The following CACNA1S variants were observed in gnomAD, a reference collection of about 807,000 sequenced individuals.
CACNA1S encodes the protein voltage-dependent L-type calcium channel subunit alpha-1S.
A neutral mutation model predicts 207.4 loss-of-function variants in CACNA1S; 126 were observed. The ratio of observed to expected loss-of-function variants is 0.61; its 90% CI spans 0.53 to 0.70. The LOEUF (loss-of-function observed/expected upper bound fraction) is 0.70, where lower values mean the gene tolerates loss of function less well. CACNA1S is among the 30% of genes least tolerant of loss of function. The pLI, the probability that CACNA1S is intolerant of heterozygous loss-of-function variation, is 0.00. For missense variants in CACNA1S, 2,349 were observed against 2,422.8 expected, an observed-to-expected ratio of 0.97 and a Z score of 0.64; for synonymous variants, 960 against 932.7, an observed-to-expected ratio of 1.03 and a Z score of -0.53.
chr1:201,079,971 G>A (rs1661785703), intron 10 of CACNA1S, among the ~76,000 whole-genome samples: 1 of 152,162 alleles, frequency 6.6e-6, no homozygotes, highest in South Asian at 2.1e-4. Flanking sequence ...TCCTTTGTGA[G>A]AATTCCCCTA....
intron 13 of CACNA1S, 52 bp downstream of exon 13, chr1:201,075,443 T>TCCC: frequency 1.3e-6 from 2 of 1,597,922 alleles, no homozygotes; most frequent in Middle Eastern, 1.9e-4. Flanking sequence ...TTAAGCCCTT[T>TCCC]CCCCCACCCC....
chr1:201,048,102 T>C (rs1011739658), intron 36 of CACNA1S, among the ~76,000 whole-genome samples: 2 of 152,242 alleles, frequency 1.3e-5, no homozygotes, highest in Non-Finnish European at 2.9e-5. Context: ...AGACTTGAGC[T>C]TGATACAGTG....
chr1:201,095,836 A>G (rs1249428893), intron 2 of CACNA1S, among the ~76,000 whole-genome samples: 1 of 152,194 alleles, frequency 6.6e-6, no homozygotes, highest in Non-Finnish European at 1.5e-5. Context: ...CCTCCCTGGC[A>G]AGAGGAGCGG....
chr1:201,066,821 A>C lies in CACNA1S; in HGVS notation c.2657+66T>G, dbSNP rs2102583403. ...GCCCACCAACATGGGTGGGACTCCCACTACAAAGCCCTGGCACAGAGCAGA... is the reference window on the plus strand; with the variant it reads ...GCCCACCAACATGGGTGGGACTCCCCCTACAAAGCCCTGGCACAGAGCAGA... On this transcript the variant is annotated intron_variant, in intron 20 of 43. Coordinates refer to ENST00000362061, the MANE Select transcript of CACNA1S (RefSeq NM_000069.3). This position sits in a 1 kb window ranked among gnomAD's most constrained non-coding sequence, Gnocchi z 4.3. 2 of 1,236,418 alleles carry C rather than the reference A, an allele frequency of 1.6e-6. No individual in the cohort carries two copies. Among genetic ancestry groups the C allele is most frequent in the Non-Finnish European group, 2.3e-6 (2 of 852,576 alleles). The allele number at this position is 1,236,418 out of a possible 1,614,324, so 76.6% of individuals were successfully genotyped here.
chr1:201,074,769 G>A (rs1558070438), intron 13 of CACNA1S, 149 bp from the exon 14 acceptor site: 1 of 707,642 alleles, frequency 1.4e-6, no homozygotes. Context: ...ATAGTGGAAG[G>A]CCCTCAGGGA....
At position 201,069,581 on chromosome 1, in the gene CACNA1S, C is replaced by A. The variant is rs760674518; in HGVS notation, c.2381G>T (p.Arg794Leu). ...GGTAAACCAGGTGGCATTGACGATG[C>A]GGTGACACAGGACACGGATCCTGGT... ...PTNKIRVLCH[R>L]IVNATWFTNF... is the part of the protein sequence containing the mutation. The change falls in exon 18 of 44, where the codon CGC (arginine) becomes CTC (leucine). Residue 794 changes from arginine to leucine, a missense_variant. Coordinates refer to ENST00000362061, the MANE Select transcript of CACNA1S (RefSeq NM_000069.3). 1 of 1,559,166 alleles carries A rather than the reference C, an allele frequency of 6.4e-7. No homozygotes were observed. The highest frequency in any genetic ancestry group is 1.4e-5 in the African/African-American group (1 of 73,910).
intron 2 of CACNA1S, among the ~76,000 whole-genome samples, chr1:201,096,417 G>A (rs531285644): frequency 6.6e-6 from 1 of 152,182 alleles, no homozygotes; most frequent in Non-Finnish European, 1.5e-5. Flanking sequence ...CTGCAGCCTG[G>A]GCTCAGTCTT....
rs770595820 is a variant in CACNA1S at position 201,074,565 on chromosome 1, C to G, written c.2004G>C (p.Glu668Asp). Residue 668 changes from glutamate to aspartate, a missense_variant, in exon 14 of 44, where the codon GAG (glutamate) becomes GAC (aspartate). Glu to Asp is a conservative substitution (Grantham distance 45). Transcript: ENST00000362061. ...TGGCCTTCTGGGCAGAAGTCAGGCT[C>G]TCCGCCTCGGCCAGGTTGTCCACGG... ...AIAVDNLAEAESLTSAQKAKA... is the reference protein window; with the variant it reads ...AIAVDNLAEADSLTSAQKAKA... 3 of 1,614,138 alleles carry G rather than the reference C, an allele frequency of 1.9e-6. No homozygotes were observed. Among genetic ancestry groups the G allele is most frequent in the Non-Finnish European group, 2.5e-6 (3 of 1,179,998 alleles).
intron 40 of CACNA1S, chr1:201,041,970 G>A: frequency 2.8e-6 from 1 of 354,542 alleles, no homozygotes; most frequent in Non-Finnish European, 5.5e-6. Flanking sequence ...AGCATCTGTG[G>A]TGAGGCCCAG....
In CACNA1S at chr1:201,089,401, G is replaced by T. The variant is rs555596737; in HGVS notation, c.757C>A (p.Arg253=). 1 of 1,614,164 alleles carries T rather than the reference G, an allele frequency of 6.2e-7. No individual in the cohort carries two copies. The highest frequency in any genetic ancestry group is 1.3e-5 in the African/African-American group (1 of 75,072). ...CACTCACTGCCATTGATGGTGCACC[G>T]GCGCCCTGAGCCCGTCCTGGCGCAG... ...SPCARTGSGR[R]CTINGSECRG... is the part of the protein sequence containing the mutation. The change falls in exon 6 of 44, where the codon CGG becomes AGG. Residue 253 remains arginine, a synonymous_variant. Transcript: ENST00000362061.
intron 22 of CACNA1S, 29 bp from the exon 23 acceptor site, chr1:201,062,543 G>C: frequency 6.3e-7 from 1 of 1,596,690 alleles, no homozygotes; most frequent in Admixed American, 1.7e-5. Flanking sequence ...AGGGAGGGAG[G>C]GAGGCATGTT....
intron 2 of CACNA1S, among the ~76,000 whole-genome samples, chr1:201,097,274 T>C (rs1458276954): frequency 6.6e-6 from 1 of 152,174 alleles, no homozygotes; most frequent in Non-Finnish European, 1.5e-5. Flanking sequence ...AAGTCTGCAA[T>C]GGCTCCACAA....
chr1:201,081,841 CTT>C (rs1247801297), intron 10 of CACNA1S, among the ~76,000 whole-genome samples: 2 of 152,168 alleles, frequency 1.3e-5, no homozygotes, highest in Non-Finnish European at 2.9e-5. Flanking sequence ...CCCTCCCACT[CTT>C]TCTCTCTCTT....
At chr1:201,042,610 T>C (rs1482938247) in intron 40 of CACNA1S, among the ~76,000 whole-genome samples, 1 of 151,966 alleles carries the variant, frequency 6.6e-6, no homozygotes, top group Non-Finnish European at 1.5e-5. Context: ...ATTTAAGGGG[T>C]CTCTGTGACT....
At position 201,054,535 on chromosome 1, in the gene CACNA1S, C is replaced by T. The variant is rs774191804; in HGVS notation, c.3636G>A (p.Leu1212=). 25 of 1,613,800 alleles carry T rather than the reference C, an allele frequency of 1.5e-5. No individual in the cohort carries two copies. The highest frequency in any genetic ancestry group is 1.6e-4 in the Middle Eastern group (1 of 6,066). Residue 1212 remains leucine (L), a synonymous_variant, in exon 29 of 44, where the codon CTG becomes CTA. Coordinates refer to ENST00000362061, the MANE Select transcript of CACNA1S (RefSeq NM_000069.3). ...TCCCGCAGCCTCCACCCAGGCAATA[C>T]AGTCCCCCGCTGGAGGCCAGGAAAG... ...IDTFLASSGG[L]YCLGGGCGNV...
intron 2 of CACNA1S, among the ~76,000 whole-genome samples, chr1:201,109,813 A>T (rs1663030386): frequency 1.3e-5 from 2 of 152,230 alleles, no homozygotes; most frequent in South Asian, 4.1e-4. Context: ...TCTGTGGCTC[A>T]CTAGCTGACC....
At position 201,098,206 on chromosome 1, in the gene CACNA1S, G is replaced by C. The variant is rs12029638; in HGVS notation, c.259-4185C>G. On this transcript the variant is annotated intron_variant, in intron 2 of 43. Transcript: ENST00000362061. ...TCTAGAACAGTGCCTGAAAGTCTGT[G>C]ATGGAATAAATGAACCAGTGTCCCG... is the stretch of plus-strand genomic sequence containing the variant. Among the ~76,000 whole-genome samples the C allele has an allele frequency of 0.013, 2,008 of 152,350 alleles. 74 individuals carry two copies. The East Asian group carries it at 0.14, about 10-fold the overall frequency.
In CACNA1S at chr1:201,043,468, C is replaced by T. The variant is rs756066219; in HGVS notation, c.4861G>A (p.Val1621Ile). The change falls in exon 40 of 44, where the codon GTC becomes ATC. Residue 1621 changes from valine (V) to isoleucine (I), a missense_variant. By Grantham distance (29) the Val-to-Ile change is conservative. Coordinates refer to ENST00000362061, the MANE Select transcript of CACNA1S (RefSeq NM_000069.3). Reference sequence around the variant, plus strand: ...TGGAGGGGTCTCTGATTGGCCATGACGGGGGGCAGGGAGTTGGTCCTTTCC... The same window carrying T: ...TGGAGGGGTCTCTGATTGGCCATGATGGGGGGCAGGGAGTTGGTCCTTTCC... ...FLERTNSLPP[V>I]MANQRPLQFA... 91 of 1,613,808 alleles carry T rather than the reference C, an allele frequency of 5.6e-5. No homozygotes were observed. Among genetic ancestry groups the T allele is most frequent in the East Asian group, 1.6e-4 (7 of 44,870 alleles).
At chr1:201,051,261 G>T (rs917594337) in intron 32 of CACNA1S, 118 bp from the exon 33 acceptor site, 14 of 932,246 alleles carry the variant, frequency 1.5e-5, no homozygotes, top group Non-Finnish European at 1.9e-5. Context: ...TTGTCCAATG[G>T]TAAGGAGGTC....
Sources: allele counts gnomAD v4.1 joint callset (sites outside exome capture counted in the v4.1 genomes callset), GRCh38; gene constraint gnomAD v4.1.1; non-coding constraint Gnocchi (gnomAD v3.1); transcripts MANE v1.5; gene names NCBI Gene and HGNC (gene_info 2026-07-23, HGNC 2026-07-21).